The following CTNNA2 variants were observed in gnomAD, a reference collection of about 807,000 sequenced individuals.
The protein encoded by CTNNA2 is catenin alpha 2, also known as catenin alpha-2.
CTNNA2 carries 42 observed loss-of-function variants against 101.0 expected under a neutral mutation model. The ratio of observed to expected loss-of-function variants is 0.42; its 90% confidence interval spans 0.32 to 0.54. CTNNA2 has a LOEUF of 0.54. Among genes scored for constraint, CTNNA2 ranks in the 20% least tolerant of loss-of-function variants. CTNNA2 has a pLI of 0.14. For synonymous variants in CTNNA2, 450 were observed against 456.4 expected (o/e 0.99, Z 0.18); for missense variants, 871 against 1,223.1 (o/e 0.71, Z 4.29).
chr2:80,412,504 C>T (rs377507074), intron 8 of CTNNA2, among the ~76,000 whole-genome samples: 6 of 152,170 alleles, frequency 3.9e-5, no homozygotes, highest in Non-Finnish European at 1.5e-5. Flanking sequence ...TGAAATGGCA[C>T]CAAACTAGTC....
chr2:79,278,459 A>T (rs1675273924), intron 2 of CTNNA2, among the ~76,000 whole-genome samples: 2 of 152,052 alleles, frequency 1.3e-5, no homozygotes, highest in Non-Finnish European at 2.9e-5. Context: ...GCATAGCTTC[A>T]GGCCAGCAAG....
chr2:80,640,425 C>T (rs919634589), intron 18 of CTNNA2, among the ~76,000 whole-genome samples: 1 of 152,150 alleles, frequency 6.6e-6, no homozygotes, highest in African/African-American at 2.4e-5. Flanking sequence ...AGCTTGCTAT[C>T]AAGGAAATGT....
At chr2:79,664,413 G>A (rs963871788) in intron 2 of CTNNA2, among the ~76,000 whole-genome samples, 1 of 152,000 alleles carries the variant, frequency 6.6e-6, no homozygotes, top group Non-Finnish European at 1.5e-5. Context: ...ATTCCAACTG[G>A]CACTGGAATA....
intron 7 of CTNNA2, among the ~76,000 whole-genome samples, chr2:80,252,848 G>C (rs1025035958): frequency 2.0e-5 from 3 of 152,100 alleles, no homozygotes; most frequent in Admixed American, 2.0e-4. Flanking sequence ...AGGCGTAATG[G>C]GTAGGGTGAG....
intron 7 of CTNNA2, among the ~76,000 whole-genome samples, chr2:80,249,649 G>T (rs1033954053): frequency 3.3e-5 from 5 of 152,144 alleles, no homozygotes; most frequent in Non-Finnish European, 4.4e-5. Context: ...GGTGCTTCGT[G>T]GATTAGGAAC....
chr2:79,657,176 G>A (rs1259613176), intron 2 of CTNNA2, among the ~76,000 whole-genome samples: 1 of 151,652 alleles, frequency 6.6e-6, no homozygotes, highest in African/African-American at 2.4e-5. Context: ...TCTTTGAAAT[G>A]GCCAACATAA....
intron 3 of CTNNA2, among the ~76,000 whole-genome samples, chr2:79,766,590 T>G (rs975335152): frequency 6.6e-6 from 1 of 152,200 alleles, no homozygotes; most frequent in Non-Finnish European, 1.5e-5. Context: ...AGAAGTTCTC[T>G]GTTATTATCC....
At chr2:80,188,477 T>G (rs1375666557) in intron 7 of CTNNA2, among the ~76,000 whole-genome samples, 2 of 152,070 alleles carry the variant, frequency 1.3e-5, no homozygotes, top group South Asian at 4.1e-4. Flanking sequence ...CAACAAAAAT[T>G]TATTATCTGA....
intron 2 of CTNNA2, among the ~76,000 whole-genome samples, chr2:79,710,774 G>A (rs11889974): frequency 0.33 from 49,807 of 151,920 alleles, 9,803 homozygotes; most frequent in East Asian, 0.6. Flanking sequence ...GTCTGTGAAT[G>A]TACATATTCC....
chr2:80,046,041 G>A (rs1372339307), intron 7 of CTNNA2, among the ~76,000 whole-genome samples: 3 of 152,170 alleles, frequency 2.0e-5, no homozygotes, highest in African/African-American at 4.8e-5. Context: ...GCAAAGGCCA[G>A]TGTCCCACTG....
intron 7 of CTNNA2, among the ~76,000 whole-genome samples, chr2:80,312,802 C>A (rs1677716918): frequency 6.6e-6 from 1 of 152,190 alleles, no homozygotes; most frequent in South Asian, 2.1e-4. Context: ...TAAGAACAGA[C>A]ATATTACTTT....
intron 1 of CTNNA2, among the ~76,000 whole-genome samples, chr2:79,644,087 G>T (rs1435803865): frequency 6.6e-6 from 1 of 152,066 alleles, no homozygotes; most frequent in African/African-American, 2.4e-5. Flanking sequence ...ACCCAGGCTG[G>T]AGCGCAGTGG....
chr2:80,150,398 G>A (rs547712953), intron 7 of CTNNA2, among the ~76,000 whole-genome samples: 16 of 152,174 alleles, frequency 1.1e-4, no homozygotes, highest in Admixed American at 5.2e-4. Flanking sequence ...CTTGCATGCC[G>A]CTCACTTGCT....
At chr2:79,470,501 T>C (rs1248487612) in intron 4 of CTNNA2, among the ~76,000 whole-genome samples, 1 of 152,230 alleles carries the variant, frequency 6.6e-6, no homozygotes, top group Non-Finnish European at 1.5e-5. Flanking sequence ...GAGTACTTTC[T>C]TTAGCTTTAG....
intron 7 of CTNNA2, among the ~76,000 whole-genome samples, chr2:79,934,867 C>A (rs1465974692): frequency 6.6e-6 from 1 of 152,146 alleles, no homozygotes; most frequent in Non-Finnish European, 1.5e-5. Flanking sequence ...AATAAATGCA[C>A]CAAGGTTTTA....
At chr2:79,376,747 G>A (rs1308698431) in intron 4 of CTNNA2, among the ~76,000 whole-genome samples, 6 of 151,830 alleles carry the variant, frequency 4.0e-5, no homozygotes, top group Non-Finnish European at 5.9e-5. Flanking sequence ...TTGGTTTTTT[G>A]TCCTTGCGAT....
intron 4 of CTNNA2, among the ~76,000 whole-genome samples, chr2:79,460,272 AC>A (rs1670865130): frequency 6.6e-6 from 1 of 152,174 alleles, no homozygotes; most frequent in Non-Finnish European, 1.5e-5. Flanking sequence ...TGAAATAATC[AC>A]CTCAGTCTAA....
intron 1 of CTNNA2, among the ~76,000 whole-genome samples, chr2:79,189,714 G>C (rs1221471736): frequency 6.6e-6 from 1 of 152,150 alleles, no homozygotes; most frequent in African/African-American, 2.4e-5. Context: ...ACCCTCTGGA[G>C]TTAAGCTCCT....
At chr2:79,994,620 G>A (rs2103919118) in intron 7 of CTNNA2, among the ~76,000 whole-genome samples, 1 of 152,122 alleles carries the variant, frequency 6.6e-6, no homozygotes, top group Admixed American at 6.5e-5. Flanking sequence ...TAGGGGAAAT[G>A]GGGAAAAGAA....
Sources: gnomAD v4.1 joint callset for allele counts (sites outside exome capture counted in the v4.1 genomes callset) on GRCh38, gnomAD v4.1.1 for gene constraint, MANE v1.5 for transcripts, NCBI Gene and HGNC (gene_info 2026-07-23, HGNC 2026-07-21) for gene names.